Variants in LRRTM3 observed in about 807,000 individuals in gnomAD.
LRRTM3 encodes leucine-rich repeat transmembrane neuronal protein 3.
In LRRTM3, 24 loss-of-function variants were observed where a neutral mutation model predicts 44.7. The observed-to-expected ratio is 0.54, with a 90% CI of 0.39 to 0.76. LRRTM3 has a LOEUF of 0.76. Among genes scored for constraint, LRRTM3 ranks in the 30% least tolerant of loss-of-function variants. The probability of loss-of-function intolerance (pLI) is 0.00; values close to 1 mark genes in which losing one functional copy is unlikely to be tolerated. For missense variants in LRRTM3, 587 were observed against 702.2 expected (o/e 0.84, Z 1.85); for synonymous variants, 277 against 278.7 (o/e 0.99, Z 0.06).
rs1858264188 is a variant in LRRTM3, at chr10:67,100,279, A to G, written c.*2483A>G. 6.6e-6 allele frequency among the ~76,000 whole-genome samples: 1 copy of G among 151,810 alleles called. No individual in the cohort carries two copies. The highest frequency in any genetic ancestry group is 2.4e-5 in the African/African-American group (1 of 41,416). On this transcript the variant is annotated 3_prime_UTR_variant, in exon 3 of 3. Coordinates refer to ENST00000361320, the MANE Select transcript of LRRTM3 (RefSeq NM_178011.5). ...CACCTTGGAACCACAGCTCTGTGCA[A>G]CCAAGGCCCTAAGCTACACCAAATA...
At chr10:67,005,793 C>T (rs1851951059) in intron 2 of LRRTM3, among the ~76,000 whole-genome samples, 2 of 146,032 alleles carry the variant, frequency 1.4e-5, no homozygotes, top group Admixed American at 1.4e-4. Context: ...TCAAGTGATT[C>T]TCCTGCCTCA....
In LRRTM3 at chr10:67,082,641, C is replaced by T. The variant is rs370867252; in HGVS notation, c.1537-14946C>T. ...TGGCCCGCAGGAGAAAAAAGGAAAC[C>T]GTGCAGGAATTAGATAGGAATATGT... On this transcript the variant is annotated intron_variant, in intron 2 of 2. Coordinates refer to ENST00000361320, the MANE Select transcript of LRRTM3 (RefSeq NM_178011.5). 7.8e-4 allele frequency among the ~76,000 whole-genome samples: 119 copies of T among 152,222 alleles called. 1 individual carries two copies. Among genetic ancestry groups the T allele is most frequent in the Admixed American group, 3.3e-3 (50 of 15,296 alleles).
At chr10:67,028,830 T>C (rs1022729869) in intron 2 of LRRTM3, among the ~76,000 whole-genome samples, 7 of 152,282 alleles carry the variant, frequency 4.6e-5, no homozygotes, top group Admixed American at 6.5e-5. Flanking sequence ...ATTAGGAAGA[T>C]AGGAAATCCC....
intron 2 of LRRTM3, among the ~76,000 whole-genome samples, chr10:67,092,473 A>G (rs1261865238): frequency 2.0e-5 from 3 of 151,908 alleles, no homozygotes; most frequent in Non-Finnish European, 4.4e-5. Flanking sequence ...AACCTTTTCT[A>G]TCCAACAGAA....
At position 66,926,405 on chromosome 10, in the gene LRRTM3, TC is replaced by T; in HGVS notation, c.-178del. ...TGGGATTTATTTGTTCTTGGAGTGT[TC>T]TGCGTGGCTGGCAAAGAATAATGTT... On this transcript the variant is annotated 5_prime_UTR_variant, in exon 1 of 3. An upstream open reading frame in the 5' UTR gains an earlier in-frame stop. Transcript: ENST00000361320. 1 of 693,932 alleles carries T rather than the reference TC, an allele frequency of 1.4e-6. No homozygotes were observed. Among genetic ancestry groups the T allele is most frequent in the Non-Finnish European group, 2.6e-6 (1 of 385,860 alleles). The allele number at this position is 693,932 out of a possible 1,614,324, so 43.0% of individuals were successfully genotyped here. A position where few individuals can be genotyped will look rare whatever the true frequency, so the allele number is the denominator to read the frequency against.
intron 2 of LRRTM3, among the ~76,000 whole-genome samples, chr10:67,065,868 C>A (rs906657244): frequency 6.6e-6 from 1 of 151,734 alleles, no homozygotes; most frequent in Non-Finnish European, 1.5e-5. Flanking sequence ...TCAGTAGGAC[C>A]TCAACTAAAA....
At chr10:67,017,195 C>A (rs543371434) in intron 2 of LRRTM3, among the ~76,000 whole-genome samples, 1 of 152,248 alleles carries the variant, frequency 6.6e-6, no homozygotes, top group East Asian at 1.9e-4. Flanking sequence ...AAAGTGTTTT[C>A]AGGTCCATTT....
chr10:67,078,389 G>C lies in LRRTM3; in HGVS notation c.1537-19198G>C, dbSNP rs1306539819. Among the ~76,000 whole-genome samples the C allele has an allele frequency of 3.9e-5, 6 of 152,084 alleles. No individual in the cohort carries two copies. The South Asian group carries it at 1.2e-3, about 32-fold the overall frequency. Reference sequence around the variant, plus strand: ...GAATATTTGTTCTGTAAGGAAATGAGAAAGAAAATGATCAGAAAGAAAAAT... The same window carrying C: ...GAATATTTGTTCTGTAAGGAAATGACAAAGAAAATGATCAGAAAGAAAAAT... On this transcript the variant is annotated intron_variant, in intron 2 of 2. Coordinates refer to ENST00000361320, the MANE Select transcript of LRRTM3 (RefSeq NM_178011.5).
intron 2 of LRRTM3, among the ~76,000 whole-genome samples, chr10:67,063,327 C>T (rs1589683145): frequency 6.6e-6 from 1 of 152,088 alleles, no homozygotes; most frequent in African/African-American, 2.4e-5. Context: ...ACAACATAGC[C>T]TGAGATAGGA....
chr10:67,017,678 G>A (rs987002386), intron 2 of LRRTM3, among the ~76,000 whole-genome samples: 49 of 152,180 alleles, frequency 3.2e-4, no homozygotes, highest in African/African-American at 1.1e-3. Flanking sequence ...AGGACAGTTA[G>A]TAGGTTAATC....
chr10:67,014,198 G>A (rs1852513835), intron 2 of LRRTM3, among the ~76,000 whole-genome samples: 1 of 152,142 alleles, frequency 6.6e-6, no homozygotes, highest in South Asian at 2.1e-4. Flanking sequence ...ATGCTTTAGT[G>A]CTTCACAGGT....
At chr10:67,006,864 G>A (rs945868315) in intron 2 of LRRTM3, among the ~76,000 whole-genome samples, 5 of 151,990 alleles carry the variant, frequency 3.3e-5, no homozygotes, top group African/African-American at 1.2e-4. Flanking sequence ...CAAAATCTCA[G>A]CTCACTGACA....
intron 2 of LRRTM3, among the ~76,000 whole-genome samples, chr10:66,944,526 A>G (rs1848182654): frequency 6.6e-6 from 1 of 152,146 alleles, no homozygotes; most frequent in African/African-American, 2.4e-5. Context: ...ACTTCCTCTC[A>G]TGAATCACGA....
chr10:67,068,708 G>T (rs566226589), intron 2 of LRRTM3, among the ~76,000 whole-genome samples: 1 of 152,306 alleles, frequency 6.6e-6, no homozygotes, highest in African/African-American at 2.4e-5. Flanking sequence ...AAATATGTTA[G>T]AAAAAGACTA....
Position 66,928,053 on chromosome 10 carries a change from G to A in LRRTM3, c.1137G>A (p.Thr379=), listed in dbSNP as rs1215632805. ...TGGCCAGGGCTCTCCCAAAGCCGAC[G>A]TTTAAGCCCAAGCTCCCCAGGCCGA... The part of the protein sequence containing the change: ...FDLARALPKP[T]FKPKLPRPKH... Residue 379 remains threonine (T), a synonymous_variant, in exon 2 of 3, where the codon ACG becomes ACA. Coordinates refer to ENST00000361320, the MANE Select transcript of LRRTM3 (RefSeq NM_178011.5). 3 of 1,613,934 alleles carry A rather than the reference G, an allele frequency of 1.9e-6. No homozygotes were observed. Among genetic ancestry groups the A allele is most frequent in the Non-Finnish European group, 1.7e-6 (2 of 1,180,030 alleles).
intron 2 of LRRTM3, among the ~76,000 whole-genome samples, chr10:66,936,016 A>G (rs1318324078): frequency 6.6e-6 from 1 of 152,182 alleles, no homozygotes; most frequent in African/African-American, 2.4e-5. Flanking sequence ...CTAATCTGCC[A>G]GTATAGTGTT....
chr10:66,997,803 A>C (rs1045540730), intron 2 of LRRTM3, among the ~76,000 whole-genome samples: 1 of 152,182 alleles, frequency 6.6e-6, no homozygotes. Flanking sequence ...TCTCTTCTTA[A>C]TTAGTGGCTC....
rs1437853366 is a variant in LRRTM3 at position 67,023,093 on chromosome 10, C to T, written c.1537-74494C>T. Among the ~76,000 whole-genome samples the T allele has an allele frequency of 2.0e-5, 3 of 152,210 alleles. No homozygotes were observed. The East Asian group carries it at 5.8e-4, about 29-fold the overall frequency. On this transcript the variant is annotated intron_variant, in intron 2 of 2. Coordinates refer to ENST00000361320, the MANE Select transcript of LRRTM3 (RefSeq NM_178011.5). ...CCCCAGTTGAGCTATGTATCTAATTCAATGCCAATCAAAATCCAGGTAGAC... is the reference window on the plus strand; with the variant it reads ...CCCCAGTTGAGCTATGTATCTAATTTAATGCCAATCAAAATCCAGGTAGAC...
At chr10:67,021,670 G>GA (rs1446415389) in intron 2 of LRRTM3, among the ~76,000 whole-genome samples, 1 of 151,800 alleles carries the variant, frequency 6.6e-6, no homozygotes, top group Non-Finnish European at 1.5e-5. Flanking sequence ...TATATATTCC[G>GA]AAAAAAATGG....
Sources: gnomAD v4.1 joint callset for allele counts (sites outside exome capture counted in the v4.1 genomes callset) on GRCh38, gnomAD v4.1.1 for gene constraint, MANE v1.5 for transcripts, NCBI Gene and HGNC (gene_info 2026-07-23, HGNC 2026-07-21) for gene names.